The following SPOCK1 variants were observed in gnomAD, a reference collection of about 807,000 sequenced individuals.
The protein encoded by SPOCK1 is testican-1.
Under a neutral mutation model 55.3 loss-of-function variants are expected in SPOCK1, and 23 were observed. The observed-to-expected ratio is 0.42, with a 90% confidence interval of 0.30 to 0.59. The LOEUF (loss-of-function observed/expected upper bound fraction) is 0.59, where lower values mean the gene tolerates loss of function less well. Ranked by LOEUF, SPOCK1 falls within the 20% of genes least tolerant of loss-of-function variation. The pLI is 0.22. For synonymous variants in SPOCK1, 226 were observed against 221.0 expected (o/e 1.02, Z -0.20); for missense variants, 499 against 552.5 (o/e 0.90, Z 0.97).
Position 136,985,144 on chromosome 5 carries a change from C to A in SPOCK1, c.987G>T (p.Leu329=). ...GTGGCAAGAAATTGTACTTACCCAA[C>A]AGGCTTTTCCCCTTACTCAGCTTCT... is the stretch of plus-strand genomic sequence containing the variant. ...RIQKLSKGKS[L]LGAFIPRCNE... Residue 329 remains leucine, a synonymous_variant, in exon 9 of 11, where the codon CTG becomes CTT. Coordinates refer to ENST00000394945, the MANE Select transcript of SPOCK1 (RefSeq NM_004598.4). 2.5e-6 allele frequency: 4 copies of A among 1,614,136 alleles called. No homozygotes were observed. Among genetic ancestry groups the A allele is most frequent in the Non-Finnish European group, 3.4e-6 (4 of 1,179,966 alleles).
intron 2 of SPOCK1, among the ~76,000 whole-genome samples, chr5:137,276,498 G>T (rs765027474): frequency 6.6e-6 from 1 of 152,180 alleles, no homozygotes; most frequent in Non-Finnish European, 1.5e-5. Flanking sequence ...AGTCCCTAGG[G>T]CCAGGGGCTG....
chr5:136,981,673 A>C (rs1750733708), intron 9 of SPOCK1, among the ~76,000 whole-genome samples: 2 of 152,088 alleles, frequency 1.3e-5, no homozygotes, highest in Admixed American at 1.3e-4. Flanking sequence ...GTGATCATTT[A>C]TTTGAAATTT....
At chr5:137,121,826 C>A (rs1753689547) in intron 4 of SPOCK1, among the ~76,000 whole-genome samples, 2 of 144,962 alleles carry the variant, frequency 1.4e-5, no homozygotes, top group African/African-American at 5.0e-5. Flanking sequence ...TCCTTATTAT[C>A]CCTATTATTA....
intron 2 of SPOCK1, among the ~76,000 whole-genome samples, chr5:137,494,169 ATTATT>A (rs1754248625): frequency 6.6e-6 from 1 of 152,318 alleles, no homozygotes; most frequent in East Asian, 1.9e-4. Flanking sequence ...AAGCAACAAT[ATTATT>A]TTAATCAAAT....
intron 6 of SPOCK1, among the ~76,000 whole-genome samples, chr5:137,026,997 GA>G (rs1751689454): frequency 2.6e-5 from 4 of 152,152 alleles, no homozygotes; most frequent in African/African-American, 7.2e-5. Flanking sequence ...TTAAATGAAT[GA>G]ATAAAATCTT....
In SPOCK1 at chr5:137,018,448, C is replaced by T. The variant is rs906182344; in HGVS notation, c.590-25848G>A. Among the ~76,000 whole-genome samples, 4 of 152,160 alleles carry T rather than the reference C, an allele frequency of 2.6e-5. No homozygotes were observed. The East Asian group carries it at 7.7e-4, about 29-fold the overall frequency. Reference sequence around the variant, plus strand: ...TTGTAATTTGCTGAAGCCTTCCTTTCCCCTCACCTTGTCCCCTCCCTCAGG... The same window carrying T: ...TTGTAATTTGCTGAAGCCTTCCTTTTCCCTCACCTTGTCCCCTCCCTCAGG... On this transcript the variant is annotated intron_variant, in intron 6 of 10. Coordinates refer to ENST00000394945, the MANE Select transcript of SPOCK1 (RefSeq NM_004598.4).
Position 137,245,333 on chromosome 5 carries a change from C to T in SPOCK1, c.232+21677G>A, listed in dbSNP as rs148953360. Among the ~76,000 whole-genome samples the T allele has an allele frequency of 8.5e-5, 13 of 152,286 alleles. No homozygotes were observed. In the East Asian group the frequency reaches 2.5e-3, roughly 29 times the overall value. ...TGAGAAAAATAATTGGTTTTAGAAA[C>T]ACATGGATGTAAGTGTATCTTTCTA... On this transcript the variant is annotated intron_variant, in intron 3 of 10. Coordinates refer to ENST00000394945, the MANE Select transcript of SPOCK1 (RefSeq NM_004598.4).
chr5:137,123,917 C>A (rs1332759050), intron 4 of SPOCK1, among the ~76,000 whole-genome samples: 1 of 152,054 alleles, frequency 6.6e-6, no homozygotes, highest in Non-Finnish European at 1.5e-5. Flanking sequence ...AAAATACCCA[C>A]CAGAAATGTT....
chr5:137,330,015 T>A (rs1469257987), intron 2 of SPOCK1, among the ~76,000 whole-genome samples: 1 of 152,126 alleles, frequency 6.6e-6, no homozygotes, highest in African/African-American at 2.4e-5. Context: ...TTATTATATG[T>A]CCCATGGGAA....
chr5:137,061,162 C>T (rs535970379), intron 6 of SPOCK1, among the ~76,000 whole-genome samples: 27 of 152,184 alleles, frequency 1.8e-4, no homozygotes, highest in Non-Finnish European at 3.5e-4. Context: ...TCTTACACAA[C>T]GGGCATTAAA....
At chr5:137,120,465 A>G (rs1322589620) in intron 4 of SPOCK1, among the ~76,000 whole-genome samples, 1 of 152,220 alleles carries the variant, frequency 6.6e-6, no homozygotes, top group Non-Finnish European at 1.5e-5. Context: ...TTGGGACTCC[A>G]CGATGTACCT....
rs115491913 is a variant in SPOCK1, at chr5:137,472,770, C to T, written c.186+25603G>A. Among the ~76,000 whole-genome samples the T allele has an allele frequency of 2.2e-3, 331 of 152,190 alleles. 1 individual carries two copies. The highest frequency in any genetic ancestry group is 7.1e-3 in the African/African-American group (294 of 41,520). On this transcript the variant is annotated intron_variant, in intron 2 of 10. Coordinates refer to ENST00000394945, the MANE Select transcript of SPOCK1 (RefSeq NM_004598.4). The stretch of plus-strand genomic sequence containing the variant: ...AAGTACATTCAGACAATGGAATATA[C>T]GCAACTTTCAAAAAGAAAAAGAATT...
chr5:137,365,542 A>T (rs185054846), intron 2 of SPOCK1: 4 of 152,340 alleles, frequency 2.6e-5, no homozygotes, highest in Admixed American at 2.0e-4. Flanking sequence ...CTCTCTTTGG[A>T]GGGTCTTGGT....
intron 3 of SPOCK1, among the ~76,000 whole-genome samples, chr5:137,169,413 C>T (rs1238189207): frequency 1.3e-5 from 2 of 152,134 alleles, no homozygotes; most frequent in Non-Finnish European, 2.9e-5. Flanking sequence ...TTACACATTG[C>T]ATGCCTGTAT....
chr5:137,090,500 G>C (rs185980074), intron 5 of SPOCK1, among the ~76,000 whole-genome samples: 5 of 152,292 alleles, frequency 3.3e-5, no homozygotes, highest in South Asian at 2.1e-4. Context: ...TGCCCAGCCA[G>C]CATAAGTTAA....
intron 3 of SPOCK1, among the ~76,000 whole-genome samples, chr5:137,213,822 G>A (rs945695413): frequency 6.6e-6 from 1 of 152,216 alleles, no homozygotes; most frequent in Non-Finnish European, 1.5e-5. Flanking sequence ...TGGGGTTGCT[G>A]TTGTATACAG....
At chr5:137,104,305 A>G (rs908208923) in intron 5 of SPOCK1, among the ~76,000 whole-genome samples, 9 of 152,084 alleles carry the variant, frequency 5.9e-5, no homozygotes, top group African/African-American at 1.9e-4. Flanking sequence ...TTCCACTTCA[A>G]CTTCCACCAT....
chr5:137,110,544 G>C (rs1409999565), intron 5 of SPOCK1, among the ~76,000 whole-genome samples: 1 of 152,178 alleles, frequency 6.6e-6, no homozygotes, highest in East Asian at 1.9e-4. Flanking sequence ...TCCAGACATG[G>C]CTAGGGTGTC....
chr5:137,208,238 T>G (rs954183063), intron 3 of SPOCK1, among the ~76,000 whole-genome samples: 1 of 152,170 alleles, frequency 6.6e-6, no homozygotes, highest in African/African-American at 2.4e-5. Flanking sequence ...CTTTGTTGGA[T>G]GGCAGAGCAG....
Sources: allele counts gnomAD v4.1 joint callset (sites outside exome capture counted in the v4.1 genomes callset), GRCh38; gene constraint gnomAD v4.1.1; transcripts MANE v1.5; gene names NCBI Gene and HGNC (gene_info 2026-07-23, HGNC 2026-07-21).